Variants in PDE4D observed in about 807,000 individuals in gnomAD.
The protein encoded by PDE4D is phosphodiesterase 4D.
Under a neutral mutation model 87.4 loss-of-function variants are expected in PDE4D, and 24 were observed. That is an observed-to-expected ratio of 0.27 (90% CI 0.20 to 0.39). The LOEUF (loss-of-function observed/expected upper bound fraction) is 0.39. PDE4D is among the 10% of genes least tolerant of loss of function. The probability of loss-of-function intolerance (pLI) is 1.00; values close to 1 mark genes in which losing one functional copy is unlikely to be tolerated. For missense variants in PDE4D, 714 were observed against 1,041.0 expected (o/e 0.69, Z 4.32); for synonymous variants, 384 against 383.2 (o/e 1.00, Z -0.02).
intron 1 of PDE4D, among the ~76,000 whole-genome samples, chr5:59,770,605 G>A (rs984255289): frequency 1.3e-5 from 2 of 151,998 alleles, no homozygotes; most frequent in African/African-American, 4.8e-5. Flanking sequence ...CAAAACAAAC[G>A]ACAACAAAAT....
chr5:59,388,306 G>C (rs1397992240), intron 1 of PDE4D, among the ~76,000 whole-genome samples: 1 of 151,980 alleles, frequency 6.6e-6, no homozygotes, highest in Non-Finnish European at 1.5e-5. Flanking sequence ...ACCACAATGA[G>C]ATATCAACTC....
At chr5:60,293,839 CTT>C (rs1753137608) in intron 1 of PDE4D, among the ~76,000 whole-genome samples, 1 of 151,924 alleles carries the variant, frequency 6.6e-6, no homozygotes, top group Non-Finnish European at 1.5e-5. Flanking sequence ...TATTGATTCT[CTT>C]TTGATTAATA....
intron 1 of PDE4D, among the ~76,000 whole-genome samples, chr5:59,363,394 C>G (rs942181430): frequency 6.6e-6 from 1 of 152,132 alleles, no homozygotes; most frequent in African/African-American, 2.4e-5. Flanking sequence ...ATCATACAGC[C>G]AATGAGTAGC....
intron 1 of PDE4D, among the ~76,000 whole-genome samples, chr5:59,622,194 T>C (rs1830421727): frequency 6.6e-6 from 1 of 152,088 alleles, no homozygotes; most frequent in Non-Finnish European, 1.5e-5. Context: ...CACACACATA[T>C]GCACACAAAC....
At position 59,510,182 on chromosome 5, in the gene PDE4D, T is replaced by C. The variant is rs547216190; in HGVS notation, c.456-294214A>G. On this transcript the variant is annotated intron_variant, in intron 1 of 14. Coordinates refer to ENST00000340635, the MANE Select transcript of PDE4D (RefSeq NM_001104631.2). Reference sequence around the variant, plus strand: ...GAAGAAATCAAAGGGATTTATAAAATACTTAAAACTTAATAATAAATATAT... The same window carrying C: ...GAAGAAATCAAAGGGATTTATAAAACACTTAAAACTTAATAATAAATATAT... 4.6e-5 allele frequency among the ~76,000 whole-genome samples: 7 copies of C among 150,976 alleles called. No individual in the cohort carries two copies. In the East Asian group the frequency reaches 1.2e-3, roughly 25 times the overall value.
chr5:60,227,716 C>T (rs1173688519), intron 1 of PDE4D, among the ~76,000 whole-genome samples: 2 of 152,006 alleles, frequency 1.3e-5, no homozygotes, highest in African/African-American at 4.8e-5. Context: ...TGCACATTCA[C>T]TCTTGGCCTC....
chr5:60,468,130 C>CTTTTTTTTT (rs370784270), intron 1 of PDE4D, among the ~76,000 whole-genome samples: 3,879 of 125,858 alleles, frequency 0.031, 143 homozygotes, highest in African/African-American at 0.094. Flanking sequence ...AACTTTCTTT[C>CTTTTTTTTT]TTTTTTCTTT....
chr5:59,278,441 T>C (rs139802346), intron 1 of PDE4D, among the ~76,000 whole-genome samples: 15 of 152,248 alleles, frequency 9.9e-5, no homozygotes, highest in African/African-American at 3.6e-4. Flanking sequence ...TACTGAATTG[T>C]ATAATGTATG....
chr5:59,155,853 A>C (rs147511463), intron 5 of PDE4D, among the ~76,000 whole-genome samples: 199 of 152,300 alleles, frequency 1.3e-3, no homozygotes, highest in African/African-American at 4.4e-3. Context: ...AGACCTATGG[A>C]TAACATCTAT....
intron 1 of PDE4D, among the ~76,000 whole-genome samples, chr5:60,345,566 CAAA>C (rs529743142): frequency 1.6e-5 from 2 of 124,490 alleles, no homozygotes; most frequent in Non-Finnish European, 3.6e-5. Flanking sequence ...CTTCCCTCTC[CAAA>C]AAAAAAAAAA....
intron 1 of PDE4D, among the ~76,000 whole-genome samples, chr5:59,364,531 T>C (rs1364500517): frequency 6.6e-6 from 1 of 152,210 alleles, no homozygotes; most frequent in African/African-American, 2.4e-5. Flanking sequence ...TTGATATATA[T>C]GCTATAGGTG....
chr5:59,246,342 G>C (rs1247654423), intron 1 of PDE4D, among the ~76,000 whole-genome samples: 2 of 151,946 alleles, frequency 1.3e-5, no homozygotes, highest in Non-Finnish European at 2.9e-5. Flanking sequence ...GTGTGGGTAG[G>C]TTATAAAATA....
chr5:59,042,488 A>T (rs1236663645), intron 5 of PDE4D, among the ~76,000 whole-genome samples: 1 of 152,200 alleles, frequency 6.6e-6, no homozygotes, highest in African/African-American at 2.4e-5. Context: ...TCATTAATAA[A>T]ATACTTCCCC....
chr5:59,811,035 A>C (rs1768295149), intron 1 of PDE4D, among the ~76,000 whole-genome samples: 1 of 152,188 alleles, frequency 6.6e-6, no homozygotes, highest in Non-Finnish European at 1.5e-5. Context: ...AAAGGAGCTA[A>C]ACGGAGGCTG....
At chr5:59,395,544 A>C (rs1789233030) in intron 1 of PDE4D, among the ~76,000 whole-genome samples, 2 of 151,662 alleles carry the variant, frequency 1.3e-5, no homozygotes, top group African/African-American at 4.9e-5. Flanking sequence ...AGGAAAACTA[A>C]CAAACAGAAA....
At chr5:60,263,542 G>C (rs1749867930) in intron 1 of PDE4D, among the ~76,000 whole-genome samples, 1 of 152,206 alleles carries the variant, frequency 6.6e-6, no homozygotes, top group Non-Finnish European at 1.5e-5. Flanking sequence ...GCAGAGTTTA[G>C]CAACATCTGG....
chr5:60,491,737 A>C (rs572059512), upstream of PDE4D, among the ~76,000 whole-genome samples: 1 of 152,344 alleles, frequency 6.6e-6, no homozygotes, highest in South Asian at 2.1e-4. Flanking sequence ...TGCTTTAAAC[A>C]TGTAAAGCAG....
intron 1 of PDE4D, among the ~76,000 whole-genome samples, chr5:59,784,822 G>A (rs1408433796): frequency 6.6e-6 from 1 of 152,056 alleles, no homozygotes; most frequent in African/African-American, 2.4e-5. Flanking sequence ...GAATCATGGG[G>A]GCAATTTTCC....
chr5:59,068,915 A>G (rs1359359949), intron 5 of PDE4D, among the ~76,000 whole-genome samples: 1 of 152,102 alleles, frequency 6.6e-6, no homozygotes, highest in Non-Finnish European at 1.5e-5. Context: ...TATAATTGTT[A>G]TTTTTTGAGT....
Sources: allele counts gnomAD v4.1 joint callset (sites outside exome capture counted in the v4.1 genomes callset), GRCh38; gene constraint gnomAD v4.1.1; transcripts MANE v1.5; gene names NCBI Gene and HGNC (gene_info 2026-07-23, HGNC 2026-07-21).